The following CDH12 variants were observed in gnomAD, a reference collection of about 807,000 sequenced individuals.
CDH12 encodes cadherin-12.
A neutral mutation model predicts 74.1 loss-of-function variants in CDH12; 41 were observed. The observed-to-expected ratio is 0.55, with a 90% confidence interval of 0.43 to 0.72. CDH12 has a LOEUF of 0.72. CDH12 is among the 30% of genes least tolerant of loss of function. CDH12 has a pLI of 0.00. For synonymous variants in CDH12, 399 were observed against 355.0 expected, an observed-to-expected ratio of 1.12 and a Z score of -1.39; for missense variants, 945 against 977.2, an observed-to-expected ratio of 0.97 and a Z score of 0.44.
chr5:22,703,735 A>G (rs995143319), intron 1 of CDH12, among the ~76,000 whole-genome samples: 4 of 152,186 alleles, frequency 2.6e-5, no homozygotes, highest in Admixed American at 6.6e-5. Flanking sequence ...GAGTATTGTG[A>G]AAGAGAAATT....
intron 2 of CDH12, among the ~76,000 whole-genome samples, chr5:22,487,129 A>C (rs1746638179): frequency 6.6e-6 from 1 of 151,470 alleles, no homozygotes; most frequent in Admixed American, 6.6e-5. Context: ...CAGCCTCCTG[A>C]GTAGCTGGGA....
At position 22,823,806 on chromosome 5, in the gene CDH12, A is replaced by T. The variant is rs926625192; in HGVS notation, c.-523+29252T>A. On this transcript the variant is annotated intron_variant, in intron 1 of 14. Transcript: ENST00000382254. ...TTGCTCTCTCTTTGCCATGTAAGAC[A>T]TGCCTGCTTCCCTTTCTGCCATGAT... Among the ~76,000 whole-genome samples the T allele has an allele frequency of 2.0e-5, 3 of 152,218 alleles. No individual in the cohort carries two copies. The East Asian group carries it at 5.8e-4, about 29-fold the overall frequency.
intron 1 of CDH12, among the ~76,000 whole-genome samples, chr5:22,688,648 T>C (rs186440308): frequency 7.6e-4 from 115 of 152,290 alleles, no homozygotes; most frequent in Non-Finnish European, 1.2e-3. Context: ...GAAAGGAAAC[T>C]TCTGAAGAAA....
intron 6 of CDH12, among the ~76,000 whole-genome samples, chr5:21,962,425 G>GA (rs1313971520): frequency 6.6e-6 from 1 of 152,070 alleles, no homozygotes; most frequent in Non-Finnish European, 1.5e-5. Flanking sequence ...GTTCATTACT[G>GA]AAAATTTCCT....
chr5:22,170,497 T>C (rs1404284990), intron 4 of CDH12, among the ~76,000 whole-genome samples: 1 of 151,702 alleles, frequency 6.6e-6, no homozygotes, highest in Non-Finnish European at 1.5e-5. Flanking sequence ...GGAGGGTTTG[T>C]TTTACGTTCA....
chr5:22,301,351 TA>T (rs1402228839), intron 3 of CDH12, among the ~76,000 whole-genome samples: 4 of 152,162 alleles, frequency 2.6e-5, no homozygotes. Flanking sequence ...AATCCCAAAC[TA>T]ATATAGCTCA....
rs185205860 is a variant in CDH12, at chr5:22,050,664, T to C, written c.231+27782A>G. Among the ~76,000 whole-genome samples, 7 of 152,244 alleles carry C rather than the reference T, an allele frequency of 4.6e-5. No individual in the cohort carries two copies. In the East Asian group the frequency reaches 1.4e-3, roughly 29 times the overall value. On this transcript the variant is annotated intron_variant, in intron 5 of 14. Coordinates refer to ENST00000382254, the MANE Select transcript of CDH12 (RefSeq NM_004061.5). Reference sequence around the variant, plus strand: ...TCAGCTGCACACACCTGGAGTTAATTTGGTCTTGGATAACTGTGACAATTT... The same window carrying C: ...TCAGCTGCACACACCTGGAGTTAATCTGGTCTTGGATAACTGTGACAATTT...
chr5:22,139,922 A>G (rs1168958872), intron 4 of CDH12, among the ~76,000 whole-genome samples: 15 of 152,146 alleles, frequency 9.9e-5, no homozygotes, highest in African/African-American at 3.4e-4. Flanking sequence ...CAATAAAACT[A>G]TCTTGGCACT....
At chr5:22,033,104 A>C (rs1738938207) in intron 5 of CDH12, among the ~76,000 whole-genome samples, 1 of 151,822 alleles carries the variant, frequency 6.6e-6, no homozygotes, top group Non-Finnish European at 1.5e-5. Context: ...ATGACAAAAG[A>C]GCTATAATTT....
intron 1 of CDH12, among the ~76,000 whole-genome samples, chr5:22,666,241 TTA>T (rs1463569598): frequency 6.6e-6 from 1 of 151,866 alleles, no homozygotes; most frequent in Non-Finnish European, 1.5e-5. Context: ...TCTGGCAATT[TTA>T]TGTTTGTGTA....
At chr5:22,508,881 C>T (rs1359995031) in intron 1 of CDH12, among the ~76,000 whole-genome samples, 1 of 152,148 alleles carries the variant, frequency 6.6e-6, no homozygotes, top group Non-Finnish European at 1.5e-5. Flanking sequence ...CAACCTTGGG[C>T]ACATAGTCTC....
rs1412844546 is a variant in CDH12 at position 21,846,188 on chromosome 5, T to C, written c.647-3860A>G. ...GCCCTAACCAGTTTTTCGCACCTTA[T>C]GCAAACAGTACACCTGGTCTGACCA... On this transcript the variant is annotated intron_variant, in intron 7 of 14. Transcript: ENST00000382254. Among the ~76,000 whole-genome samples, 5 of 152,178 alleles carry C rather than the reference T, an allele frequency of 3.3e-5. No homozygotes were observed. In the East Asian group the frequency reaches 9.7e-4, roughly 29 times the overall value.
intron 1 of CDH12, among the ~76,000 whole-genome samples, chr5:22,675,743 CTCT>C (rs1223436306): frequency 2.6e-5 from 4 of 151,832 alleles, no homozygotes; most frequent in Admixed American, 2.0e-4. Flanking sequence ...CCATGTGGAA[CTCT>C]TAAGTCCATT....
intron 1 of CDH12, among the ~76,000 whole-genome samples, chr5:22,732,459 T>TACAC (rs1491477107): frequency 1.1e-3 from 71 of 65,814 alleles, no homozygotes; most frequent in African/African-American, 4.7e-3. Context: ...TGTGTGTGTA[T>TACAC]ATATATATAT....
chr5:22,404,022 T>A (rs1742837442), intron 3 of CDH12, among the ~76,000 whole-genome samples: 1 of 152,170 alleles, frequency 6.6e-6, no homozygotes, highest in South Asian at 2.1e-4. Flanking sequence ...TGGGGAATGC[T>A]AAAATTGAAC....
intron 1 of CDH12, among the ~76,000 whole-genome samples, chr5:22,515,232 G>A (rs79337976): frequency 0.018 from 2,733 of 151,984 alleles, 85 homozygotes; most frequent in African/African-American, 0.063. Context: ...TCATTGAATC[G>A]GATTTAAGTA....
chr5:22,625,072 A>T (rs1738211445), intron 1 of CDH12, among the ~76,000 whole-genome samples: 1 of 152,152 alleles, frequency 6.6e-6, no homozygotes, highest in Non-Finnish European at 1.5e-5. Flanking sequence ...AAAAAACCAA[A>T]CACCACATGT....
At chr5:22,457,934 G>A (rs1012017334) in intron 2 of CDH12, among the ~76,000 whole-genome samples, 2 of 151,958 alleles carry the variant, frequency 1.3e-5, no homozygotes, top group East Asian at 3.9e-4. Flanking sequence ...TAGTAAAGAC[G>A]GGGTTTCACC....
chr5:22,736,703 G>C (rs939023984), intron 1 of CDH12, among the ~76,000 whole-genome samples: 20 of 151,602 alleles, frequency 1.3e-4, no homozygotes, highest in African/African-American at 4.8e-4. Context: ...CAACCTGAAG[G>C]CTGAAAGTTT....
Sources: gnomAD v4.1 joint callset for allele counts (sites outside exome capture counted in the v4.1 genomes callset) on GRCh38, gnomAD v4.1.1 for gene constraint, MANE v1.5 for transcripts, NCBI Gene and HGNC (gene_info 2026-07-23, HGNC 2026-07-21) for gene names.